UGT2B15: variants seen among roughly 807,000 people sequenced by gnomAD.
UGT2B15 encodes UDP-glucuronosyltransferase 2B15.
UGT2B15 carries 36 observed loss-of-function variants against 45.9 expected under a neutral mutation model. That is an observed-to-expected ratio of 0.78 (90% confidence interval 0.60 to 1.04). UGT2B15 has a LOEUF of 1.04. Among genes scored for constraint, UGT2B15 ranks in the 50% least tolerant of loss-of-function variants. The pLI is 0.00. For synonymous variants in UGT2B15, 219 were observed against 216.4 expected (o/e 1.01, Z -0.11); for missense variants, 617 against 622.4 (o/e 0.99, Z 0.09).
intron 3 of UGT2B15, among the ~76,000 whole-genome samples, chr4:68,660,966 G>C (rs1472552568): frequency 1.3e-5 from 2 of 151,780 alleles, no homozygotes; most frequent in South Asian, 2.1e-4. Context: ...TCTTTTGTTT[G>C]GTTTTGTTTT....
chr4:68,649,549 G>A (rs979380492), intron 5 of UGT2B15, among the ~76,000 whole-genome samples: 5 of 151,576 alleles, frequency 3.3e-5, no homozygotes, highest in African/African-American at 1.2e-4. Context: ...CCAAAGTGTC[G>A]GGATTACAGG....
intron 1 of UGT2B15, 87 bp downstream of exon 1, chr4:68,669,808 T>C: frequency 2.0e-6 from 3 of 1,491,564 alleles, no homozygotes; most frequent in Non-Finnish European, 2.7e-6. Context: ...AAAAACACTA[T>C]CTTCTGACAT....
rs556887741 is a variant in UGT2B15 at position 68,664,435 on chromosome 4, T to C, written c.874-1296A>G. On this transcript the variant is annotated intron_variant, in intron 2 of 5. Transcript: ENST00000338206. ...CCAACCCCTTCTGTCATAACAAATATACTTTCTGGTCCTAATCATTGGGGG... is the reference window on the plus strand; with the variant it reads ...CCAACCCCTTCTGTCATAACAAATACACTTTCTGGTCCTAATCATTGGGGG... Among the ~76,000 whole-genome samples the C allele has an allele frequency of 9.9e-5, 15 of 152,268 alleles. No homozygotes were observed. The South Asian group carries it at 3.1e-3, about 32-fold the overall frequency.
intron 3 of UGT2B15, among the ~76,000 whole-genome samples, chr4:68,662,266 C>G (rs1020912726): frequency 1.3e-5 from 2 of 152,040 alleles, no homozygotes; most frequent in Non-Finnish European, 2.9e-5. Flanking sequence ...AGAGCATAGT[C>G]TTTGTTGGGC....
chr4:68,646,935 A>C lies in UGT2B15; in HGVS notation c.*169T>G. The stretch of plus-strand genomic sequence containing the variant: ...AAAAATCATTGACATAGAATAATTC[A>C]GCTAAAGTACGTATTAAATCCCTGG... On this transcript the variant is annotated 3_prime_UTR_variant, in exon 6 of 6. Coordinates refer to ENST00000338206, the MANE Select transcript of UGT2B15 (RefSeq NM_001076.4). 1 of 966,568 alleles carries C rather than the reference A, an allele frequency of 1.0e-6. No individual in the cohort carries two copies. Among genetic ancestry groups the C allele is most frequent in the Admixed American group, 3.2e-5 (1 of 31,490 alleles). The allele number at this position is 966,568 out of a possible 1,614,324, so 59.9% of individuals were successfully genotyped here.
intron 2 of UGT2B15, among the ~76,000 whole-genome samples, chr4:68,666,299 G>A (rs1733116764): frequency 6.6e-6 from 1 of 152,104 alleles, no homozygotes; most frequent in Non-Finnish European, 1.5e-5. Context: ...CTAGGACTTT[G>A]CTAGAGAATA....
chr4:68,658,662 C>T (rs1414408504), intron 3 of UGT2B15, among the ~76,000 whole-genome samples: 1 of 151,996 alleles, frequency 6.6e-6, no homozygotes, highest in Non-Finnish European at 1.5e-5. Context: ...ACCCTGTGGC[C>T]TTAAGCAATC....
At chr4:68,653,846 C>A (rs1272371631) in intron 5 of UGT2B15, among the ~76,000 whole-genome samples, 191 bp downstream of exon 5, 2 of 151,700 alleles carry the variant, frequency 1.3e-5, no homozygotes, top group African/African-American at 4.8e-5. Flanking sequence ...TCATTGGTGA[C>A]CCATTAAATC....
chr4:68,655,462 G>GGT (rs1732777004), intron 3 of UGT2B15, among the ~76,000 whole-genome samples: 1 of 151,886 alleles, frequency 6.6e-6, no homozygotes, highest in African/African-American at 2.4e-5. Flanking sequence ...AATAAATCTT[G>GGT]GCAACCCAAA....
intron 5 of UGT2B15, among the ~76,000 whole-genome samples, chr4:68,650,859 TATC>T (rs1281573893): frequency 6.6e-6 from 1 of 152,156 alleles, no homozygotes; most frequent in Non-Finnish European, 1.5e-5. Context: ...CATGAGATTG[TATC>T]TCATTGTGGT....
intron 3 of UGT2B15, among the ~76,000 whole-genome samples, chr4:68,660,252 C>T (rs1436856304): frequency 6.6e-6 from 1 of 150,454 alleles, no homozygotes; most frequent in Non-Finnish European, 1.5e-5. Context: ...GGAAAACTGG[C>T]CTCATACCTT....
intron 2 of UGT2B15, among the ~76,000 whole-genome samples, chr4:68,666,750 A>ATTTTTTT (rs1327859346): frequency 3.6e-4 from 43 of 120,566 alleles, no homozygotes; most frequent in African/African-American, 5.1e-4. Context: ...ATATATATAT[A>ATTTTTTT]TATTTTTTTT....
chr4:68,658,220 TAC>T (rs1001480499), intron 3 of UGT2B15, among the ~76,000 whole-genome samples: 6 of 152,000 alleles, frequency 3.9e-5, no homozygotes, highest in African/African-American at 1.2e-4. Context: ...ATGTGTTTTG[TAC>T]ACAGTGTTTT....
chr4:68,653,910 G>T (rs1732725708), intron 5 of UGT2B15, 127 bp downstream of exon 5: 8 of 1,275,008 alleles, frequency 6.3e-6, no homozygotes, highest in Non-Finnish European at 8.6e-6. Flanking sequence ...AGTAAGGACA[G>T]ATTTTACATT....
chr4:68,656,010 A>C (rs1380252918), intron 3 of UGT2B15, among the ~76,000 whole-genome samples: 1 of 152,088 alleles, frequency 6.6e-6, no homozygotes, highest in Non-Finnish European at 1.5e-5. Flanking sequence ...CAAACAAAGA[A>C]GACAATTGGC....
intron 2 of UGT2B15, among the ~76,000 whole-genome samples, chr4:68,664,110 C>A (rs1215909529): frequency 6.6e-6 from 1 of 151,686 alleles, no homozygotes; most frequent in South Asian, 2.1e-4. Flanking sequence ...CTGCTCACCC[C>A]CTAGAGTAGC....
At chr4:68,651,875 G>A (rs1411293056) in intron 5 of UGT2B15, among the ~76,000 whole-genome samples, 1 of 152,042 alleles carries the variant, frequency 6.6e-6, no homozygotes, top group African/African-American at 2.4e-5. Flanking sequence ...GTTTCCATAT[G>A]AAATTTAAAG....
At chr4:68,661,551 G>A (rs562112311) in intron 3 of UGT2B15, among the ~76,000 whole-genome samples, 2 of 152,068 alleles carry the variant, frequency 1.3e-5, no homozygotes, top group Admixed American at 6.6e-5. Context: ...TGAGTGATAT[G>A]AGAAGAGTTT....
intron 5 of UGT2B15, among the ~76,000 whole-genome samples, chr4:68,649,690 A>C (rs1320190031): frequency 6.6e-6 from 1 of 152,072 alleles, no homozygotes; most frequent in Non-Finnish European, 1.5e-5. Context: ...ACACACACAC[A>C]TATATAACAC....
Sources: gnomAD v4.1 joint callset for allele counts (sites outside exome capture counted in the v4.1 genomes callset) on GRCh38, gnomAD v4.1.1 for gene constraint, MANE v1.5 for transcripts, NCBI Gene and HGNC (gene_info 2026-07-23, HGNC 2026-07-21) for gene names.